Variants in RSPO2 observed in about 807,000 individuals in gnomAD.
RSPO2 encodes R-spondin 2.
In RSPO2, 14 loss-of-function variants were observed where a neutral mutation model predicts 30.9. The observed-to-expected ratio is 0.45, with a 90% CI of 0.30 to 0.71. The LOEUF (loss-of-function observed/expected upper bound fraction) is 0.71. Ranked by LOEUF, RSPO2 falls within the 30% of genes least tolerant of loss-of-function variation. RSPO2 has a pLI of 0.08. For synonymous variants in RSPO2, 107 were observed against 96.4 expected (o/e 1.11, Z -0.64); for missense variants, 264 against 301.9 (o/e 0.87, Z 0.93).
At chr8:108,069,189 A>G (rs1316688092) in intron 2 of RSPO2, among the ~76,000 whole-genome samples, 5 of 147,544 alleles carry the variant, frequency 3.4e-5, no homozygotes. Context: ...TTGTTGGTGC[A>G]TGTATGTGTG....
chr8:107,905,894 T>C (rs1202307331), intron 5 of RSPO2, among the ~76,000 whole-genome samples: 1 of 151,918 alleles, frequency 6.6e-6, no homozygotes, highest in Non-Finnish European at 1.5e-5. Context: ...TTTTTTAAAG[T>C]TCATTTAAAA....
chr8:107,973,343 C>T (rs767758719), intron 3 of RSPO2, among the ~76,000 whole-genome samples: 12 of 151,936 alleles, frequency 7.9e-5, no homozygotes, highest in Non-Finnish European at 1.5e-4. Flanking sequence ...AACTGCATAA[C>T]GGTTTTGTCA....
chr8:108,063,733 C>A (rs1348623765), intron 2 of RSPO2, among the ~76,000 whole-genome samples: 2 of 152,010 alleles, frequency 1.3e-5, no homozygotes, highest in Middle Eastern at 6.8e-3. Context: ...CAATCCTAAG[C>A]CAAAAGAACA....
At chr8:107,941,823 T>TA (rs2130376447) in intron 5 of RSPO2, among the ~76,000 whole-genome samples, 1 of 152,262 alleles carries the variant, frequency 6.6e-6, no homozygotes, top group Non-Finnish European at 1.5e-5. Flanking sequence ...TAGTGATTCA[T>TA]AAATCAGGTT....
intron 2 of RSPO2, among the ~76,000 whole-genome samples, chr8:108,026,312 G>T (rs1363813110): frequency 1.3e-5 from 2 of 152,116 alleles, no homozygotes; most frequent in Middle Eastern, 3.2e-3. Flanking sequence ...TGCAATATAT[G>T]ACCTGGAATT....
intron 5 of RSPO2, among the ~76,000 whole-genome samples, chr8:107,957,664 C>T (rs2130431280): frequency 6.6e-6 from 1 of 152,254 alleles, no homozygotes; most frequent in East Asian, 1.9e-4. Context: ...AGTAATGATA[C>T]AGATGATTTT....
intron 3 of RSPO2, among the ~76,000 whole-genome samples, chr8:107,982,068 T>C (rs923150062): frequency 9.0e-6 from 1 of 111,522 alleles, no homozygotes; most frequent in African/African-American, 3.4e-5. Context: ...GGAAACAAAA[T>C]GTAGTGTTCT....
chr8:108,057,689 G>A (rs1812300672), intron 2 of RSPO2, among the ~76,000 whole-genome samples: 1 of 151,890 alleles, frequency 6.6e-6, no homozygotes, highest in Non-Finnish European at 1.5e-5. Context: ...TAAACAGGTA[G>A]AAGAGAAAAA....
At chr8:107,930,819 G>A (rs1416727516) in intron 5 of RSPO2, among the ~76,000 whole-genome samples, 1 of 152,142 alleles carries the variant, frequency 6.6e-6, no homozygotes, top group Non-Finnish European at 1.5e-5. Flanking sequence ...ATTGAGGTTT[G>A]CCCGATTACC....
chr8:108,030,412 G>A (rs1441489279), intron 2 of RSPO2, among the ~76,000 whole-genome samples: 1 of 152,174 alleles, frequency 6.6e-6, no homozygotes, highest in African/African-American at 2.4e-5. Flanking sequence ...TATCTGTAAT[G>A]TATAAGCAGT....
At chr8:108,028,491 A>C (rs1250846899) in intron 2 of RSPO2, among the ~76,000 whole-genome samples, 1 of 152,180 alleles carries the variant, frequency 6.6e-6, no homozygotes, top group Non-Finnish European at 1.5e-5. Context: ...ACCTGTTCAC[A>C]CATTATTCAC....
In RSPO2 at chr8:107,980,107, A is replaced by G. The variant is rs536511263; in HGVS notation, c.283+8949T>C. Among the ~76,000 whole-genome samples, 5 of 151,936 alleles carry G rather than the reference A, an allele frequency of 3.3e-5. No homozygotes were observed. In the South Asian group the frequency reaches 1.0e-3, roughly 32 times the overall value. Reference sequence around the variant, plus strand: ...CTCTTTCAAGATAGTTTTATAACACACTCTTCGGAAAATCTGAAGACTCAC... The same window carrying G: ...CTCTTTCAAGATAGTTTTATAACACGCTCTTCGGAAAATCTGAAGACTCAC... On this transcript the variant is annotated intron_variant, in intron 3 of 5. Transcript: ENST00000276659.
chr8:107,993,461 C>T (rs1446972093), intron 2 of RSPO2, among the ~76,000 whole-genome samples: 2 of 152,008 alleles, frequency 1.3e-5, no homozygotes, highest in African/African-American at 4.8e-5. Flanking sequence ...AGAATCCAAA[C>T]AGATACAAAA....
intron 2 of RSPO2, among the ~76,000 whole-genome samples, chr8:108,029,152 C>T (rs1270574367): frequency 7.2e-6 from 1 of 139,702 alleles, no homozygotes; most frequent in African/African-American, 2.6e-5. Context: ...CAGCCAAATC[C>T]AGCCCACCAC....
At chr8:108,033,424 C>A (rs1755479411) in intron 2 of RSPO2, among the ~76,000 whole-genome samples, 1 of 152,180 alleles carries the variant, frequency 6.6e-6, no homozygotes, top group Non-Finnish European at 1.5e-5. Flanking sequence ...TTCCTCCCCT[C>A]TAAGCCACTG....
At chr8:107,960,227 T>C (rs1471380554) in intron 4 of RSPO2, among the ~76,000 whole-genome samples, 1 of 152,046 alleles carries the variant, frequency 6.6e-6, no homozygotes, top group East Asian at 1.9e-4. Flanking sequence ...ATCAACAAAA[T>C]ATGGCACAAA....
chr8:107,978,021 A>C (rs1373818484), intron 3 of RSPO2, among the ~76,000 whole-genome samples: 3 of 152,156 alleles, frequency 2.0e-5, no homozygotes, highest in Non-Finnish European at 4.4e-5. Context: ...AACATTTCTA[A>C]ACCTGAACTC....
intron 5 of RSPO2, among the ~76,000 whole-genome samples, chr8:107,932,943 G>A (rs1195239226): frequency 2.0e-5 from 3 of 152,100 alleles, no homozygotes; most frequent in Non-Finnish European, 4.4e-5. Flanking sequence ...GTACTAGAAG[G>A]GGATGGGATA....
At chr8:107,982,009 CAAAAAAAA>C (rs372977834) in intron 3 of RSPO2, among the ~76,000 whole-genome samples, 12 of 55,384 alleles carry the variant, frequency 2.2e-4, no homozygotes, top group African/African-American at 9.5e-4. Context: ...ACAACAACAA[CAAAAAAAA>C]AAAAAAAAAA....
Sources: allele counts gnomAD v4.1 joint callset (sites outside exome capture counted in the v4.1 genomes callset), GRCh38; gene constraint gnomAD v4.1.1; transcripts MANE v1.5; gene names NCBI Gene and HGNC (gene_info 2026-07-23, HGNC 2026-07-21).